Variants in CTXND1 observed in about 807,000 individuals in gnomAD.
CTXND1 encodes the protein cortexin domain-containing 1 protein.
intron 1 of CTXND1, among the ~76,000 whole-genome samples, chr15:80,236,881 C>T (rs574456842): frequency 1.1e-4 from 17 of 152,102 alleles, no homozygotes; most frequent in African/African-American, 3.6e-4. Context: ...GTATTACTCA[C>T]GTGTTTGTGG....
intron 1 of CTXND1, among the ~76,000 whole-genome samples, chr15:80,221,071 A>G (rs920365836): frequency 5.9e-4 from 90 of 151,812 alleles, no homozygotes; most frequent in Middle Eastern, 3.4e-3. Flanking sequence ...ACCACGCTCG[A>G]CTAATTTTTT....
At chr15:80,240,449 C>A (rs1305427087) in intron 1 of CTXND1, among the ~76,000 whole-genome samples, 1 of 152,190 alleles carries the variant, frequency 6.6e-6, no homozygotes, top group Non-Finnish European at 1.5e-5. Flanking sequence ...AATCTACAAG[C>A]CTGCACTATT....
At chr15:80,233,732 AG>A (rs1436390685) in intron 1 of CTXND1, among the ~76,000 whole-genome samples, 32 of 152,226 alleles carry the variant, frequency 2.1e-4, no homozygotes, top group Non-Finnish European at 4.3e-4. Flanking sequence ...GCAACCTGCA[AG>A]CGACTGACTT....
chr15:80,246,466 GC>G (rs1263708420), intron 1 of CTXND1, among the ~76,000 whole-genome samples: 2 of 152,258 alleles, frequency 1.3e-5, no homozygotes, highest in Non-Finnish European at 2.9e-5. Context: ...GGACAGGGAA[GC>G]TTTGGCTACT....
At chr15:80,247,517 G>A (rs1177840013) in intron 1 of CTXND1, among the ~76,000 whole-genome samples, 1 of 151,958 alleles carries the variant, frequency 6.6e-6, no homozygotes, top group Non-Finnish European at 1.5e-5. Flanking sequence ...GAGTGGGAGT[G>A]GTAAGGGAGG....
chr15:80,215,409 G>A (rs1296305593), intron 1 of CTXND1, among the ~76,000 whole-genome samples: 2 of 152,192 alleles, frequency 1.3e-5, no homozygotes, highest in Non-Finnish European at 2.9e-5. Context: ...TCCCCAAGGT[G>A]CTTATTTATG....
At chr15:80,221,925 T>A (rs901625394) in intron 1 of CTXND1, among the ~76,000 whole-genome samples, 1 of 152,204 alleles carries the variant, frequency 6.6e-6, no homozygotes, top group African/African-American at 2.4e-5. Context: ...GGGGTTTCTC[T>A]TAATTGTTAA....
At position 80,211,661 on chromosome 15, in the gene CTXND1, TAAACACCCCCATCCTCTAAGA is replaced by T. The variant is rs1893205775; in HGVS notation, c.-217-7942_-217-7922del. Among the ~76,000 whole-genome samples, 4 of 152,156 alleles carry T rather than the reference TAAACACCCCCATCCTCTAAGA, an allele frequency of 2.6e-5. No individual in the cohort carries two copies. In the South Asian group the frequency reaches 8.3e-4, roughly 32 times the overall value. ...TTAAGACTTGTTATCTTCCGATATG[TAAACACCCCCATCCTCTAAGA>T]AAACTCCCAGAGCAAGGAGGCAGTA... On this transcript the variant is annotated intron_variant, in intron 1 of 2. Coordinates refer to ENST00000560778, the MANE Select transcript of CTXND1 (RefSeq NM_001352888.2).
At chr15:80,208,290 G>T (rs1567128536) in intron 1 of CTXND1, among the ~76,000 whole-genome samples, 3 of 152,066 alleles carry the variant, frequency 2.0e-5, no homozygotes, top group African/African-American at 7.2e-5. Flanking sequence ...CACAATAGAG[G>T]GCTAGAAATT....
chr15:80,222,284 A>G (rs1484715581), intron 1 of CTXND1, among the ~76,000 whole-genome samples: 1 of 152,196 alleles, frequency 6.6e-6, no homozygotes, highest in Admixed American at 6.5e-5. Flanking sequence ...AATCATCCAG[A>G]TGATCAATTA....
intron 1 of CTXND1, among the ~76,000 whole-genome samples, chr15:80,236,219 A>G (rs532616654): frequency 6.6e-6 from 1 of 152,060 alleles, no homozygotes; most frequent in East Asian, 1.9e-4. Context: ...TCGTTTCTGT[A>G]CAGACATAAA....
chr15:80,220,846 G>T lies in CTXND1; in HGVS notation c.-217-17106C>A, dbSNP rs181463184. ...ATGGAAGAACAATATAAGTTTTTAT[G>T]TATGAATTTTAAATCCAGAAAATTT... On this transcript the variant is annotated intron_variant, in intron 1 of 2. Transcript: ENST00000560778. Among the ~76,000 whole-genome samples, 519 of 150,724 alleles carry T rather than the reference G, an allele frequency of 3.4e-3. 3 individuals are homozygous for T. The highest frequency in any genetic ancestry group is 0.012 in the African/African-American group (504 of 41,260).
intron 1 of CTXND1, among the ~76,000 whole-genome samples, chr15:80,204,768 A>T (rs1013777943): frequency 3.3e-5 from 5 of 151,806 alleles, no homozygotes; most frequent in Non-Finnish European, 7.4e-5. Flanking sequence ...GTGGGTGTAC[A>T]AATCTCTCCT....
At chr15:80,239,980 T>G (rs942916307) in intron 1 of CTXND1, among the ~76,000 whole-genome samples, 3 of 152,264 alleles carry the variant, frequency 2.0e-5, no homozygotes, top group Non-Finnish European at 2.9e-5. Flanking sequence ...TTTATTTATT[T>G]TTGAGACGGA....
rs76241019 is a variant in CTXND1 at position 80,227,831 on chromosome 15, A to G, written c.-217-24091T>C. Among the ~76,000 whole-genome samples the G allele has an allele frequency of 7.4e-4, 112 of 152,322 alleles. No homozygotes were observed. In the East Asian group the frequency reaches 0.018, roughly 25 times the overall value. ...GGTGGCGGTTACTGAAGATTGGGGT[A>G]GCCATGGCAATGTCTTCAAATAAGA... On this transcript the variant is annotated intron_variant, in intron 1 of 2. Transcript: ENST00000560778.
At chr15:80,212,672 G>A (rs1208947985) in intron 1 of CTXND1, among the ~76,000 whole-genome samples, 2 of 152,110 alleles carry the variant, frequency 1.3e-5, no homozygotes, top group Non-Finnish European at 2.9e-5. Flanking sequence ...AAAACTCTCT[G>A]GTCTGAAGGA....
At chr15:80,247,385 A>C (rs1321582558) in intron 1 of CTXND1, among the ~76,000 whole-genome samples, 1 of 152,068 alleles carries the variant, frequency 6.6e-6, no homozygotes, top group Non-Finnish European at 1.5e-5. Context: ...GAATAGTCAA[A>C]GGGTTAAAGT....
chr15:80,224,134 G>A (rs1893348863), intron 1 of CTXND1, among the ~76,000 whole-genome samples: 1 of 152,152 alleles, frequency 6.6e-6, no homozygotes, highest in South Asian at 2.1e-4. Flanking sequence ...AGGGATGCCT[G>A]AGGAACCCCA....
chr15:80,206,266 T>C (rs1293844403), intron 1 of CTXND1, among the ~76,000 whole-genome samples: 1 of 152,242 alleles, frequency 6.6e-6, no homozygotes, highest in Non-Finnish European at 1.5e-5. Context: ...AATTTACATG[T>C]AGTGAAATGT....
Sources: gnomAD v4.1 joint callset for allele counts (sites outside exome capture counted in the v4.1 genomes callset) on GRCh38, gnomAD v4.1.1 for gene constraint, MANE v1.5 for transcripts, NCBI Gene and HGNC (gene_info 2026-07-23, HGNC 2026-07-21) for gene names.